The following TANC1 variants were observed in gnomAD, a reference collection of about 807,000 sequenced individuals.
TANC1 encodes the protein protein TANC1.
Under a neutral mutation model 149.7 loss-of-function variants are expected in TANC1, and 77 were observed. The ratio of observed to expected loss-of-function variants is 0.51; its 90% CI spans 0.43 to 0.62. TANC1 has a LOEUF of 0.62. Among genes scored for constraint, TANC1 ranks in the 20% least tolerant of loss-of-function variants. The probability of loss-of-function intolerance (pLI) is 0.00; values close to 1 mark genes in which losing one functional copy is unlikely to be tolerated. For missense variants in TANC1, 1,985 were observed against 2,321.8 expected, an observed-to-expected ratio of 0.85 and a Z score of 2.98; for synonymous variants, 854 against 925.0, an observed-to-expected ratio of 0.92 and a Z score of 1.39.
At position 159,230,726 on chromosome 2, in the gene TANC1, C is replaced by T. The variant is rs2060294324; in HGVS notation, c.5300C>T (p.Thr1767Ile). 6.2e-7 allele frequency: 1 copy of T among 1,614,230 alleles called. No homozygotes were observed. Among genetic ancestry groups the T allele is most frequent in the African/African-American group, 1.3e-5 (1 of 75,066 alleles). Residue 1767 changes from threonine (T) to isoleucine (I), a missense_variant, in exon 27 of 27, where the codon ACT (threonine) becomes ATT (isoleucine). Around this residue, in one of 3 missense-constraint regions of TANC1, gnomAD observed 920 missense variants for 994.7 expected, o/e 0.92. Transcript: ENST00000263635. The surrounding 1 kb of genome is among the most constrained non-coding windows in gnomAD (Gnocchi z 4.4). ...GCAGCTGGCCTGCAGTCTGCTAACA[C>T]TGAGAAGCCCTCTCTCATGCAAGTG... Reference protein sequence around the residue: ...SSAAGLQSANTEKPSLMQVGG... With the variant: ...SSAAGLQSANIEKPSLMQVGG...
intron 1 of TANC1, among the ~76,000 whole-genome samples, chr2:158,998,941 C>T (rs914710217): frequency 1.3e-5 from 2 of 152,164 alleles, no homozygotes; most frequent in Non-Finnish European, 1.5e-5. Flanking sequence ...GCTCATCAAT[C>T]AGGAGAGTGC....
intron 7 of TANC1, among the ~76,000 whole-genome samples, chr2:159,155,745 G>A (rs1000669576): frequency 1.3e-4 from 20 of 152,222 alleles, no homozygotes; most frequent in African/African-American, 4.6e-4. Context: ...AGAGAGGCAG[G>A]TATGCATTTA....
intron 1 of TANC1, among the ~76,000 whole-genome samples, chr2:158,998,123 G>A (rs552579008): frequency 1.5e-4 from 23 of 152,208 alleles, no homozygotes; most frequent in Admixed American, 5.2e-4. Context: ...ACTTAGCTGG[G>A]TGTGGTGGTG....
At chr2:159,082,923 A>G (rs2044428359) in intron 3 of TANC1, among the ~76,000 whole-genome samples, 1 of 152,130 alleles carries the variant, frequency 6.6e-6, no homozygotes, top group African/African-American at 2.4e-5. Context: ...GTTGGGGTCC[A>G]AGCATCTATT....
At chr2:159,132,996 C>A (rs535562290) in intron 4 of TANC1, among the ~76,000 whole-genome samples, 1 of 152,258 alleles carries the variant, frequency 6.6e-6, no homozygotes, top group Non-Finnish European at 1.5e-5. Context: ...CAATAACCAT[C>A]ATACATTAAT....
At chr2:159,191,769 C>T (rs1161256530) in intron 16 of TANC1, among the ~76,000 whole-genome samples, 1 of 152,180 alleles carries the variant, frequency 6.6e-6, no homozygotes. Flanking sequence ...GGACATCTAT[C>T]ACTGAAATAC....
intron 14 of TANC1, among the ~76,000 whole-genome samples, chr2:159,179,776 G>A (rs990675386): frequency 6.6e-6 from 1 of 152,210 alleles, no homozygotes; most frequent in African/African-American, 2.4e-5. Flanking sequence ...TGCCTGGGCC[G>A]CTGTTATCAC....
At chr2:158,969,377 A>G (rs2032484940) in intron 1 of TANC1, among the ~76,000 whole-genome samples, 1 of 152,166 alleles carries the variant, frequency 6.6e-6, no homozygotes, top group Admixed American at 6.5e-5. Context: ...GCTTCCAAGA[A>G]CACTGCGATT....
intron 3 of TANC1, among the ~76,000 whole-genome samples, chr2:159,082,638 C>G (rs925496904): frequency 1.3e-5 from 2 of 152,122 alleles, no homozygotes; most frequent in African/African-American, 2.4e-5. Flanking sequence ...ATGTCCTTAG[C>G]AGAGTGCTGT....
chr2:159,116,820 C>A (rs2048314822), intron 4 of TANC1, among the ~76,000 whole-genome samples: 1 of 152,172 alleles, frequency 6.6e-6, no homozygotes, highest in African/African-American at 2.4e-5. Context: ...CATTTTCAAG[C>A]CTGCAGCTTA....
In TANC1 at chr2:159,150,488, A is replaced by G. The variant is rs1332082962; in HGVS notation, c.614A>G (p.Asn205Ser). The change falls in exon 7 of 27, where the codon AAC becomes AGC. Residue 205 changes from asparagine to serine, a missense_variant. Physicochemically the swap from Asn to Ser is conservative, Grantham distance 46 (BLOSUM62 1). Coordinates refer to ENST00000263635, the MANE Select transcript of TANC1 (RefSeq NM_033394.3). ...AGCTGTGTCAGCAAGACGGCAGCCA[A>G]CAAAAGTCCCTGTGAGACCATTAGC... is the stretch of plus-strand genomic sequence containing the variant. ...LNSCVSKTAA[N>S]KSPCETISSP... 3 of 1,614,180 alleles carry G rather than the reference A, an allele frequency of 1.9e-6. No homozygotes were observed. Among genetic ancestry groups the G allele is most frequent in the Non-Finnish European group, 2.5e-6 (3 of 1,180,018 alleles).
intron 2 of TANC1, among the ~76,000 whole-genome samples, chr2:159,029,719 A>G (rs2039633530): frequency 6.6e-6 from 1 of 152,050 alleles, no homozygotes. Flanking sequence ...GCTTGCCACC[A>G]CACCCAGTTA....
intron 3 of TANC1, among the ~76,000 whole-genome samples, chr2:159,085,113 CAG>C (rs1426364037): frequency 3.3e-5 from 5 of 152,136 alleles, no homozygotes; most frequent in African/African-American, 1.2e-4. Flanking sequence ...TGCAACAAGT[CAG>C]AGTTCTTGCT....
chr2:159,154,560 C>T (rs1342381299), intron 7 of TANC1, among the ~76,000 whole-genome samples: 1 of 152,168 alleles, frequency 6.6e-6, no homozygotes, highest in African/African-American at 2.4e-5. Context: ...CAAACCCCTC[C>T]TGCCCCTTGT....
At position 159,136,392 on chromosome 2, in the gene TANC1, G is replaced by A. The variant is rs981909941; in HGVS notation, c.364+94G>A. On this transcript the variant is annotated intron_variant, in intron 5 of 26. Coordinates refer to ENST00000263635, the MANE Select transcript of TANC1 (RefSeq NM_033394.3). ...GAAACTTGAGTGTCCTTGCAGTACT[G>A]CTTTGCTGAGAATGTATTTGGGAGG... is the stretch of plus-strand genomic sequence containing the variant. 4.0e-6 allele frequency: 3 copies of A among 759,416 alleles called. No individual in the cohort carries two copies. In the African/African-American group the frequency reaches 5.2e-5, roughly 13 times the overall value. The allele number at this position is 759,416 out of a possible 1,614,324, so 47.0% of individuals were successfully genotyped here. A position where few individuals can be genotyped will look rare whatever the true frequency, so the allele number is the denominator to read the frequency against.
intron 4 of TANC1, among the ~76,000 whole-genome samples, chr2:159,104,935 G>T (rs383840): frequency 0.12 from 10,293 of 83,814 alleles, 900 homozygotes; most frequent in East Asian, 0.47. Context: ...CATTGTTTCA[G>T]TATCTTATAA....
Position 159,065,878 on chromosome 2 carries a change from TGTTTC to T in TANC1, c.-15-17_-15-13del. The T allele has an allele frequency of 6.2e-7, 1 of 1,601,582 alleles. No homozygotes were observed. Among genetic ancestry groups the T allele is most frequent in the Non-Finnish European group, 8.6e-7 (1 of 1,168,624 alleles). On this transcript the variant is annotated splice_polypyrimidine_tract_variant and intron_variant, in intron 2 of 26. Transcript: ENST00000263635. ...TTCAATGTTTAATTCCTCTTCTCTC[TGTTTC>T]TTTTCTCCTTAGAAACAAGTGTTGA...
At chr2:159,096,954 A>G (rs10167864) in intron 3 of TANC1, among the ~76,000 whole-genome samples, 102,372 of 152,000 alleles carry the variant, frequency 0.67, 35,753 homozygotes, top group Non-Finnish European at 0.78. Context: ...CTTGGGGTTT[A>G]CCATATTTAA....
intron 2 of TANC1, among the ~76,000 whole-genome samples, chr2:159,032,416 A>G (rs2039856415): frequency 6.6e-6 from 1 of 152,070 alleles, no homozygotes; most frequent in Non-Finnish European, 1.5e-5. Flanking sequence ...TCTCTCCTGG[A>G]TATAGTGGCA....
Sources: allele counts gnomAD v4.1 joint callset (sites outside exome capture counted in the v4.1 genomes callset), GRCh38; gene constraint gnomAD v4.1.1; regional missense constraint gnomAD v4.1.1; non-coding constraint Gnocchi (gnomAD v3.1); transcripts MANE v1.5; gene names NCBI Gene and HGNC (gene_info 2026-07-23, HGNC 2026-07-21).